The following GLMN variants were observed in gnomAD, a reference collection of about 807,000 sequenced individuals.
The protein encoded by GLMN is glomulin.
In GLMN, 75 loss-of-function variants were observed where a neutral mutation model predicts 87.8. The ratio of observed to expected loss-of-function variants is 0.85; its 90% CI spans 0.71 to 1.04. The LOEUF is 1.04. GLMN is among the 50% of genes least tolerant of loss of function. GLMN has a pLI of 0.00. For missense variants in GLMN, 588 were observed against 658.8 expected, an observed-to-expected ratio of 0.89 and a Z score of 1.18; for synonymous variants, 206 against 221.6, an observed-to-expected ratio of 0.93 and a Z score of 0.63.
At chr1:92,294,865 G>C (rs1014643598) in intron 3 of GLMN, among the ~76,000 whole-genome samples, 6 of 152,148 alleles carry the variant, frequency 3.9e-5, no homozygotes, top group Non-Finnish European at 8.8e-5. Context: ...TTTTAGTGGA[G>C]ACAGGGTTTC....
At chr1:92,348,823 C>G in the GLMN span, among the ~76,000 whole-genome samples, 3 of 152,300 alleles carry the variant, frequency 2.0e-5, no homozygotes, top group East Asian at 5.8e-4. Context: ...ATTTCCACCC[C>G]TCTTCTCCCC....
At chr1:92,312,437 A>C in the GLMN span, among the ~76,000 whole-genome samples, 1 of 151,886 alleles carries the variant, frequency 6.6e-6, no homozygotes, top group Non-Finnish European at 1.5e-5. Context: ...AAAAAAATTG[A>C]AGTCAGTCCT....
At chr1:92,339,341 TC>T in the GLMN span, among the ~76,000 whole-genome samples, 1 of 25,818 alleles carries the variant, frequency 3.9e-5, no homozygotes, top group Non-Finnish European at 7.2e-5. Context: ...CGCCCCCCAA[TC>T]CCCCAAGGAT....
the GLMN span, among the ~76,000 whole-genome samples, chr1:92,317,825 A>T: frequency 1.1e-4 from 17 of 152,154 alleles, no homozygotes; most frequent in African/African-American, 4.1e-4. Context: ...ATAGCAGGAG[A>T]TGTTGCATAA....
chr1:92,348,270 T>C, the GLMN span, among the ~76,000 whole-genome samples: 1 of 152,242 alleles, frequency 6.6e-6, no homozygotes, highest in African/African-American at 2.4e-5. Flanking sequence ...TCTTTCGTTA[T>C]GCCCTAATCC....
chr1:92,338,586 C>T, the GLMN span, among the ~76,000 whole-genome samples: 1 of 151,524 alleles, frequency 6.6e-6, no homozygotes, highest in African/African-American at 2.4e-5. Context: ...TGAATATCAT[C>T]ATACTAACAT....
At chr1:92,299,435 C>T (rs1650623527), upstream of GLMN, among the ~76,000 whole-genome samples, 1 of 152,096 alleles carries the variant, frequency 6.6e-6, no homozygotes, top group Admixed American at 6.6e-5. Context: ...CTGGGGTCCC[C>T]GGGTTTCGGG....
upstream of GLMN, chr1:92,299,084 T>C (rs1487699223): frequency 3.3e-6 from 5 of 1,514,504 alleles, 1 homozygote; most frequent in South Asian, 6.3e-5. Flanking sequence ...ATGGCGGACT[T>C]CGCTGGGCCG....
chr1:92,278,850 A>G (rs901439761), intron 7 of GLMN, among the ~76,000 whole-genome samples: 6 of 152,216 alleles, frequency 3.9e-5, no homozygotes, highest in African/African-American at 1.4e-4. Flanking sequence ...TGAAATCTCA[A>G]GTATTTCATT....
At chr1:92,273,438 CCTG>C (rs1656458294) in intron 7 of GLMN, among the ~76,000 whole-genome samples, 1 of 146,630 alleles carries the variant, frequency 6.8e-6, no homozygotes, top group Admixed American at 7.1e-5. Flanking sequence ...GTAAGGTAGC[CCTG>C]TTTTTTTTTT....
chr1:92,327,744 A>AT, the GLMN span, among the ~76,000 whole-genome samples: 3 of 148,896 alleles, frequency 2.0e-5, no homozygotes, highest in Non-Finnish European at 4.5e-5. Flanking sequence ...TTATTGTTTT[A>AT]TAGGTCCTGT....
chr1:92,301,596 T>C, upstream of GLMN: 4 of 1,204,162 alleles, frequency 3.3e-6, no homozygotes, highest in Non-Finnish European at 3.5e-6. Flanking sequence ...AGTGTGTATG[T>C]GTTAAGTTGA....
intron 16 of GLMN, among the ~76,000 whole-genome samples, chr1:92,261,755 G>A (rs1328576268): frequency 6.6e-6 from 1 of 151,646 alleles, no homozygotes; most frequent in Non-Finnish European, 1.5e-5. Context: ...AATACATGCT[G>A]AAATATTTCG....
rs192359321 is a variant in GLMN, at chr1:92,290,549, G to C, written c.286-243C>G. Among the ~76,000 whole-genome samples, 320 of 152,328 alleles carry C rather than the reference G, an allele frequency of 2.1e-3. 2 individuals are homozygous for C. The highest frequency in any genetic ancestry group is 7.3e-3 in the African/African-American group (303 of 41,584). ...GGATCTTTAGGCTCAGGTTTCCTTT[G>C]AGCTTCACCTGTCCACTCTGAAATT... is the stretch of plus-strand genomic sequence containing the variant. On this transcript the variant is annotated intron_variant, in intron 4 of 18. Coordinates refer to ENST00000370360, the MANE Select transcript of GLMN (RefSeq NM_053274.3).
chr1:92,247,044 AAG>A lies in GLMN; in HGVS notation c.1668+16_1668+17del, dbSNP rs1652774028. On this transcript the variant is annotated intron_variant, in intron 18 of 18. Coordinates refer to ENST00000370360, the MANE Select transcript of GLMN (RefSeq NM_053274.3). The stretch of plus-strand genomic sequence containing the variant: ...TTTCTAAAGAAGAAAAAGGAAAGAA[AAG>A]AAAATTTCAGATCACCTTAAGCTGC... 8.7e-7 allele frequency: 1 copy of A among 1,145,186 alleles called. No individual in the cohort carries two copies. The highest frequency in any genetic ancestry group is 1.3e-5 in the South Asian group (1 of 77,466). 70.9% of individuals were successfully genotyped at this position (1,145,186 alleles called of 1,614,324 possible). A position where few individuals can be genotyped will look rare whatever the true frequency, so the allele number is the denominator to read the frequency against.
At chr1:92,338,810 A>G in the GLMN span, among the ~76,000 whole-genome samples, 3 of 151,604 alleles carry the variant, frequency 2.0e-5, no homozygotes, top group East Asian at 1.9e-4. Flanking sequence ...CAGTCTCACT[A>G]TGTTGCCCAG....
the GLMN span, among the ~76,000 whole-genome samples, chr1:92,356,099 CTT>C: frequency 6.6e-6 from 1 of 151,862 alleles, no homozygotes; most frequent in African/African-American, 2.4e-5. Flanking sequence ...AACTGTGGGC[CTT>C]TTTTTCCTCA....
At chr1:92,340,521 G>A in the GLMN span, among the ~76,000 whole-genome samples, 1 of 152,178 alleles carries the variant, frequency 6.6e-6, no homozygotes, top group Non-Finnish European at 1.5e-5. Flanking sequence ...GTAGAACAGT[G>A]ATTCTCAAGC....
chr1:92,298,175 T>C (rs1650363900), intron 1 of GLMN, 146 bp from the exon 2 acceptor site: 2 of 578,886 alleles, frequency 3.5e-6, no homozygotes, highest in Non-Finnish European at 6.2e-6. Flanking sequence ...AATAGCATGC[T>C]AGGAGAAAAT....
Sources: allele counts gnomAD v4.1 joint callset (sites outside exome capture counted in the v4.1 genomes callset), GRCh38; gene constraint gnomAD v4.1.1; transcripts MANE v1.5; gene names NCBI Gene and HGNC (gene_info 2026-07-23, HGNC 2026-07-21).